The following CHUK variants were observed in gnomAD, a reference collection of about 807,000 sequenced individuals.
CHUK encodes inhibitor of nuclear factor kappa-B kinase subunit alpha.
Under a neutral mutation model 104.8 loss-of-function variants are expected in CHUK, and 35 were observed. That is an observed-to-expected ratio of 0.33 (90% CI 0.26 to 0.44). The LOEUF is 0.44. Ranked by LOEUF, CHUK falls within the 20% of genes least tolerant of loss-of-function variation. CHUK has a pLI of 1.00. For missense variants in CHUK, 663 were observed against 902.7 expected (o/e 0.73, Z 3.40); for synonymous variants, 276 against 291.9 (o/e 0.95, Z 0.56).
At chr10:100,198,130 C>A (rs1360168357) in intron 16 of CHUK, among the ~76,000 whole-genome samples, 1 of 151,986 alleles carries the variant, frequency 6.6e-6, no homozygotes, top group Non-Finnish European at 1.5e-5. Flanking sequence ...CATTTAATTT[C>A]TTAGAAATTA....
chr10:100,204,952 A>G (rs937499651), intron 12 of CHUK, 124 bp downstream of exon 12: 2 of 1,105,676 alleles, frequency 1.8e-6, no homozygotes, highest in Non-Finnish European at 2.7e-6. Context: ...TCAGAACATT[A>G]CACTTCAAAT....
rs1845928447 is a variant in CHUK at position 100,219,135 on chromosome 10, T to G, written c.565-3A>C. 6.2e-7 allele frequency: 1 copy of G among 1,613,700 alleles called. No homozygotes were observed. The highest frequency in any genetic ancestry group is 8.5e-7 in the Non-Finnish European group (1 of 1,179,630). ...TTATTCTCAAAGAGCTCTGGGGCCT[T>G]CAAAAGAGAAAATGCTTTAAACACC... On this transcript the variant is annotated splice_region_variant and splice_polypyrimidine_tract_variant and intron_variant, in intron 6 of 20. Coordinates refer to ENST00000370397, the MANE Select transcript of CHUK (RefSeq NM_001278.5).
chr10:100,226,552 A>G (rs1846110665), intron 1 of CHUK, among the ~76,000 whole-genome samples: 1 of 152,222 alleles, frequency 6.6e-6, no homozygotes, highest in African/African-American at 2.4e-5. Context: ...ATAGCTACAT[A>G]ATGAACCTAA....
intron 1 of CHUK, 74 bp downstream of exon 1, chr10:100,229,354 G>T: frequency 1.8e-6 from 2 of 1,095,032 alleles, no homozygotes; most frequent in Non-Finnish European, 1.4e-6. Context: ...CACACTGTCA[G>T]CCCTGTGTTC....
chr10:100,211,047 C>G (rs954822089), intron 9 of CHUK, among the ~76,000 whole-genome samples: 17 of 152,200 alleles, frequency 1.1e-4, no homozygotes, highest in African/African-American at 4.1e-4. Flanking sequence ...TGCTGAAAAT[C>G]CTTACTACAA....
Position 100,207,345 on chromosome 10 carries a change from CAA to C in CHUK, c.1129-15_1129-14del, listed in dbSNP as rs1317603173. On this transcript the variant is annotated splice_polypyrimidine_tract_variant and intron_variant, in intron 10 of 20. Coordinates refer to ENST00000370397, the MANE Select transcript of CHUK (RefSeq NM_001278.5). ...TATCACAGCCTCTCTGAAAAAGAAA[CAA>C]ACAGTTAAAATCCTGTTCAAGGATC... The C allele has an allele frequency of 8.2e-7, 1 of 1,212,544 alleles. No individual in the cohort carries two copies. Among genetic ancestry groups the C allele is most frequent in the Non-Finnish European group, 1.2e-6 (1 of 815,508 alleles). The allele number at this position is 1,212,544 out of a possible 1,614,324, so 75.1% of individuals were successfully genotyped here. A position where few individuals can be genotyped will look rare whatever the true frequency, so the allele number is the denominator to read the frequency against.
intron 13 of CHUK, among the ~76,000 whole-genome samples, chr10:100,203,769 G>GTAC (rs1423934313): frequency 1.3e-5 from 2 of 152,084 alleles, no homozygotes; most frequent in Admixed American, 1.3e-4. Flanking sequence ...GGACTCCACA[G>GTAC]TAGATGGTTT....
At chr10:100,197,334 A>C (rs2134211391) in intron 16 of CHUK, among the ~76,000 whole-genome samples, 1 of 152,290 alleles carries the variant, frequency 6.6e-6, no homozygotes, top group East Asian at 1.9e-4. Context: ...CTTCCTTCTG[A>C]GAAGTGACCT....
At position 100,220,615 on chromosome 10, in the gene CHUK, G is replaced by A; in HGVS notation, c.447C>T (p.Asn149=). The A allele has an allele frequency of 6.2e-7, 1 of 1,611,642 alleles. No individual in the cohort carries two copies. Among genetic ancestry groups the A allele is most frequent in the Non-Finnish European group, 8.5e-7 (1 of 1,177,934 alleles). ...TTCCACCAACATCCTGAAGAACTAT[G>A]TTTTCAGGTTTTAGATCTCGATGTA... is the stretch of plus-strand genomic sequence containing the variant. ...KIIHRDLKPE[N]IVLQDVGGKI... Residue 149 remains asparagine (N), a synonymous_variant, in exon 5 of 21, where the codon AAC becomes AAT. Transcript: ENST00000370397.
intron 11 of CHUK, among the ~76,000 whole-genome samples, chr10:100,205,435 C>A (rs1290515643): frequency 1.3e-5 from 2 of 152,192 alleles, no homozygotes; most frequent in Non-Finnish European, 2.9e-5. Context: ...AAAAATGACA[C>A]AATCGCTACA....
chr10:100,218,154 G>A (rs1845903170), intron 8 of CHUK, 24 bp from the exon 9 acceptor site: 3 of 1,594,970 alleles, frequency 1.9e-6, no homozygotes, highest in African/African-American at 1.3e-5. Flanking sequence ...AAAATAGGGT[G>A]AAAATCAAAT....
intron 13 of CHUK, 122 bp from the exon 14 acceptor site, chr10:100,202,271 G>A: frequency 5.5e-6 from 4 of 727,414 alleles, no homozygotes; most frequent in Admixed American, 2.0e-5. Context: ...TCCCCCAAAA[G>A]ATATGTGGAA....
At chr10:100,192,174 T>C (rs1183182301) in intron 19 of CHUK, among the ~76,000 whole-genome samples, 2 of 152,236 alleles carry the variant, frequency 1.3e-5, no homozygotes, top group Non-Finnish European at 2.9e-5. Flanking sequence ...CTGTCAGATA[T>C]ACTTTTGCAA....
chr10:100,220,354 G>GA (rs1274496872), intron 5 of CHUK, among the ~76,000 whole-genome samples: 3 of 148,538 alleles, frequency 2.0e-5, no homozygotes, highest in African/African-American at 2.5e-5. Flanking sequence ...TATGAAAAAT[G>GA]AAAAAAAAGA....
intron 5 of CHUK, 47 bp from the exon 6 acceptor site, chr10:100,219,406 A>T (rs1339422760): frequency 1.8e-6 from 2 of 1,103,052 alleles, no homozygotes; most frequent in Non-Finnish European, 2.8e-6. Context: ...AGAGAAATTT[A>T]AAAAGGAAAG....
intron 5 of CHUK, among the ~76,000 whole-genome samples, chr10:100,220,269 C>T (rs1845955457): frequency 6.6e-6 from 1 of 151,758 alleles, no homozygotes; most frequent in Non-Finnish European, 1.5e-5. Context: ...GTATTCACAG[C>T]CTGTATCTTT....
At chr10:100,187,637 G>C (rs996210090), downstream of CHUK, 5 of 152,208 alleles carry the variant, frequency 3.3e-5, no homozygotes, top group South Asian at 1.0e-3. Flanking sequence ...CCAAAAAATA[G>C]TGGTCCAACT....
intron 19 of CHUK, chr10:100,192,967 A>G (rs772268699): frequency 3.2e-6 from 1 of 317,372 alleles, no homozygotes; most frequent in Non-Finnish European, 5.9e-6. Flanking sequence ...TAATAAGCCA[A>G]TAAAAGAAAG....
Position 100,204,628 on chromosome 10 carries a change from A to C in CHUK, c.1385T>G (p.Leu462Ter). The C allele has an allele frequency of 6.2e-7, 1 of 1,612,634 alleles. No homozygotes were observed. The highest frequency in any genetic ancestry group is 8.5e-7 in the Non-Finnish European group (1 of 1,178,866). Residue 462 changes from leucine (L) to a stop codon, truncating the protein, a stop_gained, in exon 13 of 21, where the codon TTA (leucine) becomes TGA (stop). Coordinates refer to ENST00000370397, the MANE Select transcript of CHUK (RefSeq NM_001278.5). LOFTEE classifies it high-confidence loss of function. ...GATCAAAGTGTTCTTCATTTTTGTTAAGTTAGCATTATATCTAAGAAGACT... is the reference window on the plus strand; with the variant it reads ...GATCAAAGTGTTCTTCATTTTTGTTCAGTTAGCATTATATCTAAGAAGACT... The part of the protein sequence containing the change: ...MLSLLRYNAN[L>*]TKMKNTLISA...
Sources: allele counts gnomAD v4.1 joint callset (sites outside exome capture counted in the v4.1 genomes callset), GRCh38; gene constraint gnomAD v4.1.1; transcripts MANE v1.5; gene names NCBI Gene and HGNC (gene_info 2026-07-23, HGNC 2026-07-21).